Variants in WASHC2A observed in about 807,000 individuals in gnomAD.
WASHC2A encodes the protein WASH complex subunit 2A.
WASHC2A carries 82 observed loss-of-function variants against 140.3 expected under a neutral mutation model. That is an observed-to-expected ratio of 0.58 (90% CI 0.49 to 0.70). WASHC2A has a LOEUF of 0.70. WASHC2A is among the 30% of genes least tolerant of loss of function. The pLI is 0.00. For missense variants in WASHC2A, 985 were observed against 1,521.8 expected (o/e 0.65, Z 5.87); for synonymous variants, 340 against 560.8 (o/e 0.61, Z 5.56).
chr10:50,124,649 C>A (rs1467934651), intron 23 of WASHC2A, among the ~76,000 whole-genome samples: 1 of 152,056 alleles, frequency 6.6e-6, no homozygotes, highest in Non-Finnish European at 1.5e-5. Flanking sequence ...AGGTGAGGGA[C>A]ACATACTTGA....
At chr10:50,095,447 G>A in intron 14 of WASHC2A, 152 bp from the exon 15 acceptor site, 1 of 1,414,826 alleles carries the variant, frequency 7.1e-7, no homozygotes, top group Non-Finnish European at 9.7e-7. Context: ...GAGATGTTCT[G>A]TAGCAGTAAT....
intron 13 of WASHC2A, among the ~76,000 whole-genome samples, chr10:50,094,284 C>A (rs1840219696): frequency 6.7e-6 from 1 of 148,642 alleles, no homozygotes; most frequent in Non-Finnish European, 1.5e-5. Context: ...ACCCAGTGTG[C>A]ATTAAAATCA....
intron 28 of WASHC2A, among the ~76,000 whole-genome samples, chr10:50,128,265 G>T (rs1197557321): frequency 2.0e-5 from 3 of 152,014 alleles, no homozygotes; most frequent in Admixed American, 1.3e-4. Flanking sequence ...CACACCAGGT[G>T]CCACTCCCTG....
chr10:50,083,180 G>A (rs1839060969), intron 5 of WASHC2A, among the ~76,000 whole-genome samples: 1 of 110,124 alleles, frequency 9.1e-6, no homozygotes, highest in Non-Finnish European at 1.8e-5. Flanking sequence ...TAGTATTTTC[G>A]GTAGATATTG....
intron 19 of WASHC2A, among the ~76,000 whole-genome samples, chr10:50,109,481 C>A (rs1227892569): frequency 1.3e-5 from 2 of 152,026 alleles, no homozygotes; most frequent in African/African-American, 4.8e-5. Flanking sequence ...CTTCTTATAG[C>A]CTCTGTAATT....
intron 6 of WASHC2A, among the ~76,000 whole-genome samples, chr10:50,084,606 T>C (rs1266329349): frequency 7.9e-5 from 12 of 151,642 alleles, no homozygotes; most frequent in African/African-American, 2.9e-4. Flanking sequence ...AATTTTTGTA[T>C]TTTTAGTAGA....
intron 25 of WASHC2A, among the ~76,000 whole-genome samples, chr10:50,125,725 G>A (rs1843367640): frequency 6.6e-6 from 1 of 152,178 alleles, no homozygotes; most frequent in Non-Finnish European, 1.5e-5. Context: ...ATGGTTGATT[G>A]AAAGACCATT....
At chr10:50,123,121 A>G (rs1459352355) in intron 23 of WASHC2A, among the ~76,000 whole-genome samples, 1 of 131,582 alleles carries the variant, frequency 7.6e-6, no homozygotes, top group Non-Finnish European at 1.6e-5. Context: ...AAGGATGTGG[A>G]TAAATGGAAA....
In WASHC2A at chr10:50,068,033, G is replaced by A. The variant is rs367633221; in HGVS notation, c.3+25G>A. On this transcript the variant is annotated intron_variant, in intron 1 of 30. Transcript: ENST00000282633. ...GGTGAGGGCGCCGGGCAGGAGAGAG[G>A]CCGGCCTGGGCTGGGGCCGCCGTCC... 4.2e-4 allele frequency: 676 copies of A among 1,607,594 alleles called. 1 individual carries two copies. Among genetic ancestry groups the A allele is most frequent in the Non-Finnish European group, 5.6e-4 (659 of 1,178,150 alleles).
At chr10:50,131,700 C>G (rs1843989021) in intron 30 of WASHC2A, among the ~76,000 whole-genome samples, 1 of 152,192 alleles carries the variant, frequency 6.6e-6, no homozygotes, top group Non-Finnish European at 1.5e-5. Flanking sequence ...ACATTTCCTA[C>G]TCTCCCCATC....
chr10:50,110,370 G>A, intron 20 of WASHC2A, 100 bp downstream of exon 20: 1 of 1,503,330 alleles, frequency 6.7e-7, no homozygotes, highest in Non-Finnish European at 9.2e-7. Flanking sequence ...GCTAATCATG[G>A]ATCACATAGT....
Position 50,099,476 on chromosome 10 carries a change from A to G in WASHC2A, c.1549-502A>G, listed in dbSNP as rs1206265854. ...GGGTTTTGCCCATGTTGGCCAAACC[A>G]TCATTCTTTTTGATGCTCAGATTGA... On this transcript the variant is annotated intron_variant, in intron 16 of 30. Transcript: ENST00000282633. 3.1e-4 allele frequency among the ~76,000 whole-genome samples: 47 copies of G among 151,312 alleles called. No individual in the cohort carries two copies. In the East Asian group the frequency reaches 8.5e-3, roughly 27 times the overall value.
chr10:50,077,124 A>C (rs1363266231), intron 3 of WASHC2A, among the ~76,000 whole-genome samples: 13 of 151,502 alleles, frequency 8.6e-5, no homozygotes, highest in South Asian at 6.3e-4. Flanking sequence ...CTCAAAAAAA[A>C]AAAAAAAGGG....
Position 50,129,906 on chromosome 10 carries a change from C to T in WASHC2A, c.3575C>T (p.Pro1192Leu), listed in dbSNP as rs1366671807. 2 of 1,612,008 alleles carry T rather than the reference C, an allele frequency of 1.2e-6. No homozygotes were observed. The highest frequency in any genetic ancestry group is 2.2e-5 in the East Asian group (1 of 44,878). ...DDLFQSAKPKPAKKTNPFPLL... is the reference protein window; with the variant it reads ...DDLFQSAKPKLAKKTNPFPLL... ...CTCTTTCAGTCTGCTAAACCAAAAC[C>T]AGCAAAGAAAACAAATCCCTTTCCT... is the stretch of plus-strand genomic sequence containing the variant. Residue 1192 changes from proline to leucine, a missense_variant, in exon 29 of 31, where the codon CCA becomes CTA. By Grantham distance (98) the Pro-to-Leu change is moderately conservative (BLOSUM62 -3). Transcript: ENST00000282633.
intron 23 of WASHC2A, 138 bp downstream of exon 23, chr10:50,119,907 T>C: frequency 1.6e-6 from 1 of 606,192 alleles, no homozygotes; most frequent in Non-Finnish European, 2.8e-6. Context: ...TGCAGTCATT[T>C]AGATATTTGG....
At chr10:50,080,233 G>A (rs1331922059) in intron 4 of WASHC2A, among the ~76,000 whole-genome samples, 30 of 152,070 alleles carry the variant, frequency 2.0e-4, no homozygotes, top group Non-Finnish European at 3.2e-4. Flanking sequence ...AGAATAGACC[G>A]GAGATGAAAA....
At chr10:50,068,966 C>T (rs1837549238) in intron 2 of WASHC2A, among the ~76,000 whole-genome samples, 1 of 144,508 alleles carries the variant, frequency 6.9e-6, no homozygotes, top group Admixed American at 6.8e-5. Context: ...GATAACCCTG[C>T]CTCAGCCTCC....
chr10:50,132,865 C>T lies in WASHC2A; in HGVS notation c.3946C>T (p.Gln1316Ter). ...AACCAAACCAAAAAGCCGATCTGCA[C>T]AGGCCGCACCTGAACCAAGATTTGA... is the stretch of plus-strand genomic sequence containing the variant. ...KTTKPKSRSA[Q>*]AAPEPRFEHK... is the part of the protein sequence containing the mutation. Residue 1316 changes from glutamine to a stop codon, truncating the protein, a stop_gained, in exon 31 of 31, where the codon CAG (glutamine) becomes TAG (stop). Transcript: ENST00000282633. LOFTEE classifies it high-confidence loss of function. The T allele has an allele frequency of 6.2e-7, 1 of 1,612,040 alleles. No individual in the cohort carries two copies. The highest frequency in any genetic ancestry group is 2.2e-5 in the East Asian group (1 of 44,886).
chr10:50,075,944 C>T lies in WASHC2A; in HGVS notation c.292-2731C>T, dbSNP rs550751399. 3.9e-3 allele frequency among the ~76,000 whole-genome samples: 595 copies of T among 151,708 alleles called. 4 individuals carry two copies. The highest frequency in any genetic ancestry group is 0.014 in the African/African-American group (571 of 41,266). On this transcript the variant is annotated intron_variant, in intron 3 of 30. Coordinates refer to ENST00000282633, the MANE Select transcript of WASHC2A (RefSeq NM_001005751.3). ...TATTTATTTTTTTGAAATAGAGTTT[C>T]AGTCTTGTTGCTCAGACTGGAGTGC...
Sources: allele counts gnomAD v4.1 joint callset (sites outside exome capture counted in the v4.1 genomes callset), GRCh38; gene constraint gnomAD v4.1.1; transcripts MANE v1.5; gene names NCBI Gene and HGNC (gene_info 2026-07-23, HGNC 2026-07-21).